NFATC3: variants seen among roughly 807,000 people sequenced by gnomAD.
NFATC3 encodes nuclear factor of activated T-cells, cytoplasmic 3.
NFATC3 carries 46 observed loss-of-function variants against 98.6 expected under a neutral mutation model. The ratio of observed to expected loss-of-function variants is 0.47; its 90% confidence interval spans 0.37 to 0.60. NFATC3 has a LOEUF of 0.60. Among genes scored for constraint, NFATC3 ranks in the 20% least tolerant of loss-of-function variants. The probability of loss-of-function intolerance (pLI) is 0.00; values close to 1 mark genes in which losing one functional copy is unlikely to be tolerated. For synonymous variants in NFATC3, 512 were observed against 472.2 expected, an observed-to-expected ratio of 1.08 and a Z score of -1.09; for missense variants, 1,256 against 1,295.5, an observed-to-expected ratio of 0.97 and a Z score of 0.47.
chr16:68,151,667 C>T (rs896606027), intron 3 of NFATC3, among the ~76,000 whole-genome samples: 11 of 152,120 alleles, frequency 7.2e-5, no homozygotes, highest in Admixed American at 7.2e-4. Flanking sequence ...ATCTGTAGTG[C>T]ACCCCACTTA....
chr16:68,148,085 G>T (rs1268592798), intron 3 of NFATC3, among the ~76,000 whole-genome samples: 2 of 151,826 alleles, frequency 1.3e-5, no homozygotes, highest in Non-Finnish European at 2.9e-5. Flanking sequence ...GCGCGATCTC[G>T]GCTCACTGCA....
At position 68,148,969 on chromosome 16, in the gene NFATC3, C is replaced by T. The variant is rs1282152338; in HGVS notation, c.1402-8900C>T. ...GGTTGCAGCACCACTGCACTCCAGC[C>T]TGGGCAACACAGCGAGACTCCATCT... On this transcript the variant is annotated intron_variant, in intron 3 of 9. Transcript: ENST00000346183. Among the ~76,000 whole-genome samples, 5 of 151,920 alleles carry T rather than the reference C, an allele frequency of 3.3e-5. No homozygotes were observed. In the East Asian group the frequency reaches 9.6e-4, roughly 29 times the overall value.
chr16:68,158,068 G>T lies in NFATC3; in HGVS notation c.1601G>T (p.Ser534Ile). Reference sequence around the variant, plus strand: ...CTTCCTGAAAATAATATGTCAGCCAGGTATTTTGAAATATACCTAAAATGT... The same window carrying T: ...CTTCCTGAAAATAATATGTCAGCCATGTATTTTGAAATATACCTAAAATGT... ...PLLPENNMSA[S>I]IDCAGILKLR... The change falls in exon 4 of 10, where the codon AGT (serine) becomes ATT (isoleucine). Residue 534 changes from serine (S) to isoleucine (I), a missense_variant and splice_region_variant. Transcript: ENST00000346183. The T allele has an allele frequency of 6.2e-7, 1 of 1,604,898 alleles. No homozygotes were observed. The highest frequency in any genetic ancestry group is 8.5e-7 in the Non-Finnish European group (1 of 1,174,570).
chr16:68,152,064 C>CAAA (rs113165246), intron 3 of NFATC3, among the ~76,000 whole-genome samples: 1 of 80,324 alleles, frequency 1.2e-5, no homozygotes, highest in Admixed American at 1.4e-4. Flanking sequence ...GGCTCCGTTT[C>CAAA]AAAAAAAAAA....
chr16:68,101,782 C>G (rs995088077), intron 1 of NFATC3, among the ~76,000 whole-genome samples: 4 of 152,144 alleles, frequency 2.6e-5, no homozygotes, highest in Non-Finnish European at 4.4e-5. Flanking sequence ...CGCACCCGGT[C>G]CCAAAGTATC....
intron 1 of NFATC3, among the ~76,000 whole-genome samples, chr16:68,120,407 GTC>G (rs2036509144): frequency 1.3e-5 from 2 of 151,654 alleles, no homozygotes. Flanking sequence ...GCAAAACCCT[GTC>G]TCTACTAAAA....
intron 3 of NFATC3, among the ~76,000 whole-genome samples, chr16:68,129,856 A>G (rs963624440): frequency 2.0e-5 from 3 of 151,434 alleles, no homozygotes; most frequent in African/African-American, 7.3e-5. Flanking sequence ...TTTTTAATGT[A>G]TTTGTGGAGA....
chr16:68,170,386 C>CAA (rs112305272), intron 5 of NFATC3, among the ~76,000 whole-genome samples: 4,917 of 80,834 alleles, frequency 0.061, 122 homozygotes, highest in Middle Eastern at 0.16. Context: ...GATTCTGTCT[C>CAA]AAAAAAAAAA....
intron 9 of NFATC3, chr16:68,192,210 G>GGAAAA (rs1484780002): frequency 3.6e-4 from 5 of 13,838 alleles, no homozygotes; most frequent in Middle Eastern, 0.071. Flanking sequence ...TCCGTCTCGG[G>GGAAAA]AAAAAAAAAA....
At chr16:68,218,159 C>A in intron 9 of NFATC3, 1 of 453,800 alleles carries the variant, frequency 2.2e-6, no homozygotes, top group Non-Finnish European at 2.9e-6. Context: ...ACTCCCTGGG[C>A]TCAAGTGATC....
chr16:68,185,953 G>C (rs1045104095), intron 8 of NFATC3, among the ~76,000 whole-genome samples: 4 of 150,930 alleles, frequency 2.7e-5, no homozygotes, highest in Non-Finnish European at 4.4e-5. Context: ...CAGAATCCTA[G>C]AGGATATTAC....
At chr16:68,204,406 T>A (rs2041055317) in intron 9 of NFATC3, among the ~76,000 whole-genome samples, 1 of 152,216 alleles carries the variant, frequency 6.6e-6, no homozygotes, top group African/African-American at 2.4e-5. Flanking sequence ...TGTTTCTTGA[T>A]AAACTCATAT....
intron 3 of NFATC3, among the ~76,000 whole-genome samples, chr16:68,131,144 C>G (rs2037091511): frequency 6.6e-6 from 1 of 151,816 alleles, no homozygotes; most frequent in African/African-American, 2.4e-5. Flanking sequence ...TTTGGTGGTT[C>G]AATTTAAATT....
At chr16:68,117,066 A>G (rs1277187665) in intron 1 of NFATC3, among the ~76,000 whole-genome samples, 1 of 152,202 alleles carries the variant, frequency 6.6e-6, no homozygotes, top group African/African-American at 2.4e-5. Flanking sequence ...CTAGATAAGC[A>G]TATAATATTA....
At chr16:68,180,707 G>T (rs1242932841) in intron 6 of NFATC3, among the ~76,000 whole-genome samples, 2 of 151,984 alleles carry the variant, frequency 1.3e-5, no homozygotes, top group Non-Finnish European at 2.9e-5. Context: ...TGTGTCTCAA[G>T]TGTGTTCTCA....
At chr16:68,098,077 A>G (rs1235582350) in intron 1 of NFATC3, among the ~76,000 whole-genome samples, 1 of 152,034 alleles carries the variant, frequency 6.6e-6, no homozygotes, top group Non-Finnish European at 1.5e-5. Flanking sequence ...TTATGTATGT[A>G]TAGTACAATT....
chr16:68,094,616 T>C (rs1046285307), intron 1 of NFATC3, among the ~76,000 whole-genome samples: 1 of 152,176 alleles, frequency 6.6e-6, no homozygotes. Context: ...CCCAGTTGTC[T>C]CTGAGTTTCA....
In NFATC3 at chr16:68,190,915, G is replaced by A. The variant is rs1355383261; in HGVS notation, c.2246G>A (p.Cys749Tyr). The change falls in exon 9 of 10, where the codon TGC becomes TAC. Residue 749 changes from cysteine to tyrosine, a missense_variant. Transcript: ENST00000346183. ...SVLSGQRSLI[C>Y]SIPQTYASMV... ...CTGTCAGGACAGAGAAGTTTGATTT[G>A]CTCCATCCCACAAACATATGCATCC... 1.9e-6 allele frequency: 3 copies of A among 1,614,162 alleles called. No individual in the cohort carries two copies. In the South Asian group the frequency reaches 3.3e-5, roughly 18 times the overall value.
intron 9 of NFATC3, among the ~76,000 whole-genome samples, chr16:68,203,734 G>A (rs527856260): frequency 3.5e-4 from 54 of 152,166 alleles, no homozygotes; most frequent in Non-Finnish European, 5.0e-4. Context: ...TTCAAACTAA[G>A]TTCCCCTCAA....
Sources: gnomAD v4.1 joint callset for allele counts (sites outside exome capture counted in the v4.1 genomes callset) on GRCh38, gnomAD v4.1.1 for gene constraint, MANE v1.5 for transcripts, NCBI Gene and HGNC (gene_info 2026-07-23, HGNC 2026-07-21) for gene names.